Variants in WIPI2 observed in about 807,000 individuals in gnomAD.
The protein encoded by WIPI2 is WD repeat domain phosphoinositide-interacting protein 2.
In WIPI2, 28 loss-of-function variants were observed where a neutral mutation model predicts 52.3. The observed-to-expected ratio is 0.54, with a 90% CI of 0.40 to 0.73. WIPI2 has a LOEUF of 0.73. Among genes scored for constraint, WIPI2 ranks in the 30% least tolerant of loss-of-function variants. The probability of loss-of-function intolerance (pLI) is 0.00; values close to 1 mark genes in which losing one functional copy is unlikely to be tolerated. For missense variants in WIPI2, 506 were observed against 602.9 expected (o/e 0.84, Z 1.68); for synonymous variants, 268 against 245.0 (o/e 1.09, Z -0.88).
rs765019629 is a variant in WIPI2, at chr7:5,214,693, C to A, written c.370C>A (p.Leu124Ile). 1.9e-6 allele frequency: 3 copies of A among 1,614,104 alleles called. No individual in the cohort carries two copies. Among genetic ancestry groups the A allele is most frequent in the Non-Finnish European group, 8.5e-7 (1 of 1,180,034 alleles). The part of the protein sequence containing the change: ...SYSNTILAVK[L>I]NRQRLIVCLE... Reference sequence around the variant, plus strand: ...CTCCAACACGATTCTGGCTGTGAAGCTCAACAGGCAGGTGAGCGCTGCCCC... The same window carrying A: ...CTCCAACACGATTCTGGCTGTGAAGATCAACAGGCAGGTGAGCGCTGCCCC... Residue 124 changes from leucine (L) to isoleucine (I), a missense_variant, in exon 4 of 13, where the codon CTC (leucine) becomes ATC (isoleucine). Around this residue, in one of 4 missense-constraint regions of WIPI2, gnomAD observed 237 missense variants for 346.9 expected, o/e 0.68. Transcript: ENST00000288828.
At chr7:5,212,032 A>G (rs1213886914) in intron 3 of WIPI2, among the ~76,000 whole-genome samples, 1 of 152,094 alleles carries the variant, frequency 6.6e-6, no homozygotes, top group African/African-American at 2.4e-5. Flanking sequence ...TGGCACAGAG[A>G]TTGAGTTTTG....
At chr7:5,200,091 A>G (rs774394225) in intron 3 of WIPI2, among the ~76,000 whole-genome samples, 1 of 152,206 alleles carries the variant, frequency 6.6e-6, no homozygotes, top group Non-Finnish European at 1.5e-5. Context: ...GGAGAGGCGC[A>G]TGGAACAGCG....
chr7:5,197,975 G>A (rs1322321488), intron 2 of WIPI2, among the ~76,000 whole-genome samples: 2 of 152,202 alleles, frequency 1.3e-5, no homozygotes, highest in Non-Finnish European at 2.9e-5. Flanking sequence ...TTTCTGATGA[G>A]GAAACCCCTT....
At position 5,228,291 on chromosome 7, in the gene WIPI2, T is replaced by C. The variant is rs1465742281; in HGVS notation, c.1121+80T>C. 7.6e-6 allele frequency: 10 copies of C among 1,317,516 alleles called. No individual in the cohort carries two copies. The East Asian group carries it at 2.6e-4, about 34-fold the overall frequency. The allele number at this position is 1,317,516 out of a possible 1,614,324, so 81.6% of individuals were successfully genotyped here. The stretch of plus-strand genomic sequence containing the variant: ...GGGGCACCTGGCGAACGTTTGTTTA[T>C]TTCCTTGCAAACCAGTGACATAGAG... On this transcript the variant is annotated intron_variant, in intron 11 of 12. Coordinates refer to ENST00000288828, the MANE Select transcript of WIPI2 (RefSeq NM_015610.4).
rs1304085361 is a variant in WIPI2 at position 5,232,309 on chromosome 7, G to A, written c.*1362G>A. 1 of 398,564 alleles carries A rather than the reference G, an allele frequency of 2.5e-6. No individual in the cohort carries two copies. Among genetic ancestry groups the A allele is most frequent in the Non-Finnish European group, 4.4e-6 (1 of 226,092 alleles). 24.7% of individuals were successfully genotyped at this position (398,564 alleles called of 1,614,324 possible). A position where few individuals can be genotyped will look rare whatever the true frequency, so the allele number is the denominator to read the frequency against. On this transcript the variant is annotated 3_prime_UTR_variant, in exon 13 of 13. Transcript: ENST00000288828. ...TGGTCACGCTGGGCGAAGAGCTGGAGGGGAGTTGTCCCCTCAGCTGAGCGG... is the reference window on the plus strand; with the variant it reads ...TGGTCACGCTGGGCGAAGAGCTGGAAGGGAGTTGTCCCCTCAGCTGAGCGG...
At position 5,231,208 on chromosome 7, in the gene WIPI2, T is replaced by C. The variant is rs1037903028; in HGVS notation, c.*261T>C. 3 of 382,138 alleles carry C rather than the reference T, an allele frequency of 7.9e-6. No individual in the cohort carries two copies. The highest frequency in any genetic ancestry group is 5.9e-5 in the South Asian group (1 of 16,926). 23.7% of individuals were successfully genotyped at this position (382,138 alleles called of 1,614,324 possible). ...TCTCTTTTTGCCAAAATTAACTGTTTGGTGAAGCCCGCAAAACCTCCTCGC... is the reference window on the plus strand; with the variant it reads ...TCTCTTTTTGCCAAAATTAACTGTTCGGTGAAGCCCGCAAAACCTCCTCGC... On this transcript the variant is annotated 3_prime_UTR_variant, in exon 13 of 13. Transcript: ENST00000288828.
chr7:5,218,069 T>C, intron 7 of WIPI2, 55 bp downstream of exon 7: 1 of 1,577,652 alleles, frequency 6.3e-7, no homozygotes, highest in South Asian at 1.1e-5. Flanking sequence ...ACAGACTTTT[T>C]CAGTTCTGTT....
intron 3 of WIPI2, among the ~76,000 whole-genome samples, chr7:5,205,247 A>G (rs1161511592): frequency 6.6e-6 from 1 of 152,196 alleles, no homozygotes; most frequent in African/African-American, 2.4e-5. Flanking sequence ...AAGTGCTGGG[A>G]TTACAGGCGC....
intron 11 of WIPI2, 49 bp downstream of exon 11, chr7:5,228,260 G>A: frequency 6.6e-7 from 1 of 1,506,826 alleles, no homozygotes; most frequent in South Asian, 1.2e-5. Context: ...CTGGCGGGGG[G>A]CTTTCGGGGC....
chr7:5,198,644 A>G (rs145603841), intron 2 of WIPI2, among the ~76,000 whole-genome samples: 2 of 152,322 alleles, frequency 1.3e-5, no homozygotes, highest in South Asian at 2.1e-4. Flanking sequence ...TCTGACATAT[A>G]CTGTGTGTAC....
chr7:5,219,997 G>A (rs372791032), intron 7 of WIPI2, among the ~76,000 whole-genome samples: 35 of 149,396 alleles, frequency 2.3e-4, no homozygotes, highest in African/African-American at 7.8e-4. Flanking sequence ...CACCACGCCC[G>A]GCTAATTGTT....
In WIPI2 at chr7:5,214,632, C is replaced by T. The variant is rs1232920617; in HGVS notation, c.309C>T (p.His103=). The part of the protein sequence containing the change: ...LKAPRKLKVC[H]FKKGTEICNY... ...CACCAAGGAAGCTAAAGGTTTGCCA[C>T]TTTAAGAAGGGAACTGAGATCTGCA... is the stretch of plus-strand genomic sequence containing the variant. The change falls in exon 4 of 13, where the codon CAC becomes CAT. Residue 103 remains histidine (H), a synonymous_variant. Coordinates refer to ENST00000288828, the MANE Select transcript of WIPI2 (RefSeq NM_015610.4). The T allele has an allele frequency of 6.2e-7, 1 of 1,614,140 alleles. No homozygotes were observed. The highest frequency in any genetic ancestry group is 1.3e-5 in the African/African-American group (1 of 74,944).
chr7:5,226,883 T>C, intron 9 of WIPI2: 1 of 359,630 alleles, frequency 2.8e-6, no homozygotes, highest in Non-Finnish European at 5.1e-6. Flanking sequence ...AGTTAGGCCC[T>C]AGACGTCCTC....
At chr7:5,223,425 A>T (rs1783250636) in intron 8 of WIPI2, among the ~76,000 whole-genome samples, 1 of 151,988 alleles carries the variant, frequency 6.6e-6, no homozygotes, top group Non-Finnish European at 1.5e-5. Flanking sequence ...CCCTTTCCTC[A>T]TGGGATCCCC....
intron 5 of WIPI2, 28 bp from the exon 6 acceptor site, chr7:5,217,062 C>T: frequency 1.3e-6 from 2 of 1,591,872 alleles, no homozygotes; most frequent in Non-Finnish European, 1.7e-6. Context: ...TGGAAGTTTG[C>T]ATCTCGTCCT....
At position 5,214,805 on chromosome 7, in the gene WIPI2, G is replaced by C; in HGVS notation, c.381+101G>C. On this transcript the variant is annotated intron_variant, in intron 4 of 12. Coordinates refer to ENST00000288828, the MANE Select transcript of WIPI2 (RefSeq NM_015610.4). ...CATGCCCCTCCGTCATTCCCTTGCTGCCTGGCCCCACGTTGCCGGGCACAG... is the reference window on the plus strand; with the variant it reads ...CATGCCCCTCCGTCATTCCCTTGCTCCCTGGCCCCACGTTGCCGGGCACAG... 2.2e-6 allele frequency: 3 copies of C among 1,382,316 alleles called. No individual in the cohort carries two copies. In the Admixed American group the frequency reaches 5.3e-5, roughly 25 times the overall value. 85.6% of individuals were successfully genotyped at this position (1,382,316 alleles called of 1,614,324 possible).
intron 7 of WIPI2, chr7:5,218,325 T>A (rs972962098): frequency 5.5e-5 from 15 of 274,734 alleles, no homozygotes; most frequent in Admixed American, 5.4e-4. Context: ...AACTACCACA[T>A]AACAGTAAAG....
chr7:5,194,270 C>G (rs1781633141), intron 2 of WIPI2, among the ~76,000 whole-genome samples: 1 of 152,158 alleles, frequency 6.6e-6, no homozygotes, highest in Admixed American at 6.6e-5. Context: ...ACCAGGGCCT[C>G]CCAGGTCTGG....
rs34104542 is a variant in WIPI2 at position 5,229,683 on chromosome 7, A to G, written c.1197A>G (p.Thr399=). ...ASHDCPLVTQ[T]YGAAAGKGTY... is the part of the protein sequence containing the mutation. ...ACGACTGCCCCTTAGTCACTCAGAC[A>G]TACGGCGCAGCTGCAGGAAAAGGTA... Residue 399 remains threonine, a synonymous_variant, in exon 12 of 13, where the codon ACA becomes ACG. Coordinates refer to ENST00000288828, the MANE Select transcript of WIPI2 (RefSeq NM_015610.4). 4.4e-3 allele frequency: 7,174 copies of G among 1,614,074 alleles called. 230 individuals are homozygous for G. In the African/African-American group the frequency reaches 0.08, roughly 18 times the overall value.
Sources: allele counts gnomAD v4.1 joint callset (sites outside exome capture counted in the v4.1 genomes callset), GRCh38; gene constraint gnomAD v4.1.1; regional missense constraint gnomAD v4.1.1; transcripts MANE v1.5; gene names NCBI Gene and HGNC (gene_info 2026-07-23, HGNC 2026-07-21).